The following ITPR2 variants were observed in gnomAD, a reference collection of about 807,000 sequenced individuals.
The protein encoded by ITPR2 is inositol 1,4,5-trisphosphate receptor type 2.
A neutral mutation model predicts 317.1 loss-of-function variants in ITPR2; 207 were observed. The ratio of observed to expected loss-of-function variants is 0.65; its 90% CI spans 0.58 to 0.73. The LOEUF is 0.73. ITPR2 is among the 30% of genes least tolerant of loss of function. The pLI is 0.00. For missense variants in ITPR2, 2,613 were observed against 3,284.0 expected (o/e 0.80, Z 4.99); for synonymous variants, 1,156 against 1,149.1 (o/e 1.01, Z -0.12).
chr12:26,475,503 C>T (rs909627287), intron 44 of ITPR2, 85 bp from the exon 45 acceptor site: 2 of 1,419,484 alleles, frequency 1.4e-6, no homozygotes. Flanking sequence ...AATTGGGCAG[C>T]TTCATAAGCC....
intron 32 of ITPR2, among the ~76,000 whole-genome samples, chr12:26,589,851 TATACACACAC>T (rs1485165212): frequency 0.046 from 2,248 of 49,180 alleles, 126 homozygotes; most frequent in Middle Eastern, 0.13. Flanking sequence ...TATATATATA[TATACACACAC>T]ACACACACAC....
chr12:26,534,981 G>T (rs1944048241), intron 37 of ITPR2, among the ~76,000 whole-genome samples: 1 of 152,180 alleles, frequency 6.6e-6, no homozygotes, highest in Non-Finnish European at 1.5e-5. Flanking sequence ...ACAGCAAGGT[G>T]ACTATGGTTA....
At chr12:26,585,144 A>G (rs374060391) in intron 32 of ITPR2, among the ~76,000 whole-genome samples, 16 of 152,294 alleles carry the variant, frequency 1.1e-4, no homozygotes, top group East Asian at 7.7e-4. Flanking sequence ...TTATAATCCT[A>G]TAATTCAGAT....
intron 13 of ITPR2, among the ~76,000 whole-genome samples, chr12:26,669,788 T>C (rs953381173): frequency 3.3e-5 from 5 of 152,236 alleles, no homozygotes; most frequent in African/African-American, 1.2e-4. Context: ...GAGTTCCCTT[T>C]CCTAGTCAAA....
rs1565574550 is a variant in ITPR2 at position 26,516,275 on chromosome 12, G to GGAAAGGAAAGGAAAGGAAAGGAAAGGAAA, written c.5074-21016_5074-21015insTTTCCTTTCCTTTCCTTTCCTTTCCTTTC. On this transcript the variant is annotated intron_variant, in intron 37 of 56. Coordinates refer to ENST00000381340, the MANE Select transcript of ITPR2 (RefSeq NM_002223.4). ...AGGAAAGGAAAGGAAAGGAAAGGAA[G>GGAAAGGAAAGGAAAGGAAAGGAAAGGAAA]GGAAGGGAAGGGAAAGGAAAGGAAA... is the stretch of plus-strand genomic sequence containing the variant. Among the ~76,000 whole-genome samples, 19 of 37,818 alleles carry GGAAAGGAAAGGAAAGGAAAGGAAAGGAAA rather than the reference G, an allele frequency of 5.0e-4. 2 individuals are homozygous for GGAAAGGAAAGGAAAGGAAAGGAAAGGAAA. The highest frequency in any genetic ancestry group is 1.2e-3 in the African/African-American group (12 of 10,168). 24.8% of individuals were successfully genotyped at this position (37,818 alleles called of 152,430 possible).
chr12:26,512,698 G>T (rs1943384584), intron 37 of ITPR2, among the ~76,000 whole-genome samples: 1 of 152,124 alleles, frequency 6.6e-6, no homozygotes, highest in Admixed American at 6.5e-5. Flanking sequence ...ATGTCGTCAG[G>T]ATCTCCTAAG....
chr12:26,721,298 TC>T, intron 5 of ITPR2: 1 of 616,994 alleles, frequency 1.6e-6, no homozygotes, highest in Non-Finnish European at 3.0e-6. Context: ...AAGGAAGATA[TC>T]ACCAGATAAT....
At chr12:26,413,328 T>C (rs1940612323) in intron 51 of ITPR2, among the ~76,000 whole-genome samples, 1 of 152,276 alleles carries the variant, frequency 6.6e-6, no homozygotes, top group East Asian at 1.9e-4. Context: ...CCTCCCCTCA[T>C]TGCTCCCACC....
At chr12:26,506,588 A>T (rs1160943686) in intron 37 of ITPR2, among the ~76,000 whole-genome samples, 1 of 152,020 alleles carries the variant, frequency 6.6e-6, no homozygotes, top group Admixed American at 6.6e-5. Flanking sequence ...GAAAGAAGGA[A>T]ATTGTGTTGA....
chr12:26,453,040 A>G (rs1215331401), intron 45 of ITPR2, among the ~76,000 whole-genome samples: 1 of 152,202 alleles, frequency 6.6e-6, no homozygotes, highest in African/African-American at 2.4e-5. Context: ...ATAAAAAATT[A>G]TCTTCTAAAA....
chr12:26,788,182 A>G (rs1370166452), intron 2 of ITPR2, among the ~76,000 whole-genome samples: 1 of 151,792 alleles, frequency 6.6e-6, no homozygotes, highest in Non-Finnish European at 1.5e-5. Context: ...TTGGCCTCCC[A>G]AAGTGCTGGG....
chr12:26,622,415 CA>C lies in ITPR2; in HGVS notation c.3123-11del. 6.3e-7 allele frequency: 1 copy of C among 1,588,164 alleles called. No individual in the cohort carries two copies. The highest frequency in any genetic ancestry group is 1.8e-5 in the Admixed American group (1 of 55,456). On this transcript the variant is annotated splice_polypyrimidine_tract_variant and intron_variant, in intron 24 of 56. Coordinates refer to ENST00000381340, the MANE Select transcript of ITPR2 (RefSeq NM_002223.4). ...TGGATTTTTTTCTTTTCTATAAAAC[CA>C]AAAACATTTCTAAAGTGACTCCTAT...
At chr12:26,412,668 AG>A (rs1397001596) in intron 51 of ITPR2, among the ~76,000 whole-genome samples, 2 of 152,124 alleles carry the variant, frequency 1.3e-5, no homozygotes, top group African/African-American at 2.4e-5. Context: ...AGTGAATTCT[AG>A]GAGGGGGAAA....
chr12:26,772,478 A>ATAATATACATAATACATGTATT (rs58056683), intron 2 of ITPR2, among the ~76,000 whole-genome samples: 1 of 80,640 alleles, frequency 1.2e-5, no homozygotes, highest in Non-Finnish European at 3.3e-5. Context: ...TATTATATAT[A>ATAATATACATAATACATGTATT]ATATATATAA....
chr12:26,660,813 A>G (rs974031113), intron 15 of ITPR2, among the ~76,000 whole-genome samples: 2 of 152,160 alleles, frequency 1.3e-5, no homozygotes, highest in Non-Finnish European at 2.9e-5. Context: ...GGTGGTATCA[A>G]ATTTTATAAA....
At chr12:26,521,554 G>A (rs908768359) in intron 37 of ITPR2, among the ~76,000 whole-genome samples, 1 of 152,138 alleles carries the variant, frequency 6.6e-6, no homozygotes, top group African/African-American at 2.4e-5. Context: ...TGGTCATCAA[G>A]CATGTAGGTT....
At chr12:26,608,934 T>C (rs1345630270) in intron 26 of ITPR2, among the ~76,000 whole-genome samples, 2 of 152,164 alleles carry the variant, frequency 1.3e-5, no homozygotes, top group Non-Finnish European at 2.9e-5. Context: ...GTCAACAGAA[T>C]GGCATTTGGT....
chr12:26,441,387 A>G (rs1941485385), intron 46 of ITPR2, among the ~76,000 whole-genome samples: 1 of 152,194 alleles, frequency 6.6e-6, no homozygotes, highest in Non-Finnish European at 1.5e-5. Context: ...TTCAAGGCAC[A>G]GGGTTCAGTT....
chr12:26,492,474 AAT>A (rs1942829447), intron 39 of ITPR2, among the ~76,000 whole-genome samples: 1 of 151,520 alleles, frequency 6.6e-6, no homozygotes, highest in Non-Finnish European at 1.5e-5. Flanking sequence ...AAAAAAAAAA[AAT>A]CCTTCACTTC....
Sources: gnomAD v4.1 joint callset for allele counts (sites outside exome capture counted in the v4.1 genomes callset) on GRCh38, gnomAD v4.1.1 for gene constraint, MANE v1.5 for transcripts, NCBI Gene and HGNC (gene_info 2026-07-23, HGNC 2026-07-21) for gene names.